USP15: variants seen among roughly 807,000 people sequenced by gnomAD.
USP15 encodes the protein ubiquitin carboxyl-terminal hydrolase 15.
In USP15, 18 loss-of-function variants were observed where a neutral mutation model predicts 127.1. That is an observed-to-expected ratio of 0.14 (90% CI 0.10 to 0.21). USP15 has a LOEUF of 0.21. Among genes scored for constraint, USP15 ranks in the 10% least tolerant of loss-of-function variants. USP15 has a pLI of 1.00. For synonymous variants in USP15, 364 were observed against 393.7 expected, an observed-to-expected ratio of 0.92 and a Z score of 0.89; for missense variants, 805 against 1,159.9, an observed-to-expected ratio of 0.69 and a Z score of 4.44.
chr12:62,265,078 T>G (rs1224326295), intron 1 of USP15, among the ~76,000 whole-genome samples: 1 of 152,206 alleles, frequency 6.6e-6, no homozygotes, highest in African/African-American at 2.4e-5. Context: ...ATGACTTCTG[T>G]TAGTGAGTCC....
At position 62,329,734 on chromosome 12, in the gene USP15, T is replaced by C. The variant is rs1211869206; in HGVS notation, c.683+3801T>C. Among the ~76,000 whole-genome samples, 6 of 152,162 alleles carry C rather than the reference T, an allele frequency of 3.9e-5. No homozygotes were observed. In the South Asian group the frequency reaches 1.2e-3, roughly 32 times the overall value. ...GTAATCAGAAAAAAATGAAAGTAAATGAGATACAATTTTTCACCCATCAAA... is the reference window on the plus strand; with the variant it reads ...GTAATCAGAAAAAAATGAAAGTAAACGAGATACAATTTTTCACCCATCAAA... On this transcript the variant is annotated intron_variant, in intron 6 of 21. Transcript: ENST00000280377.
rs148893401 is a variant in USP15, at chr12:62,391,009, G to A, written c.1960+30G>A. The A allele has an allele frequency of 1.7e-4, 264 of 1,585,218 alleles. No individual in the cohort carries two copies. In the African/African-American group the frequency reaches 3.2e-3, roughly 19 times the overall value. On this transcript the variant is annotated intron_variant, in intron 15 of 21. Coordinates refer to ENST00000280377, the MANE Select transcript of USP15 (RefSeq NM_001252078.2). ...GACTTTTCTGTTAAATTGTACAAAT[G>A]TTTCACTTAGATAATTGCCTCAGAG...
chr12:62,389,015 C>T (rs2132651), intron 11 of USP15, among the ~76,000 whole-genome samples: 50,849 of 152,030 alleles, frequency 0.33, 9,088 homozygotes, highest in African/African-American at 0.47. Context: ...GTCCTAGCTA[C>T]GCAAGAGGCT....
At chr12:62,325,505 T>G (rs977873686) in intron 5 of USP15, among the ~76,000 whole-genome samples, 3 of 152,114 alleles carry the variant, frequency 2.0e-5, no homozygotes, top group Non-Finnish European at 2.9e-5. Flanking sequence ...TGACCATCTG[T>G]TATTTACAGA....
rs2064444425 is a variant in USP15, at chr12:62,305,163, A to T, written c.348+2243A>T. Among the ~76,000 whole-genome samples the T allele has an allele frequency of 2.0e-5, 3 of 152,126 alleles. No homozygotes were observed. In the South Asian group the frequency reaches 6.2e-4, roughly 32 times the overall value. On this transcript the variant is annotated intron_variant, in intron 3 of 21. Coordinates refer to ENST00000280377, the MANE Select transcript of USP15 (RefSeq NM_001252078.2). ...TAGAACTAATACCAAAGGACGTAAT[A>T]GCTGAGAATTTTCCCAAACTGAGAA...
rs536464404 is a variant in USP15, at chr12:62,323,150, T to C, written c.621+1541T>C. Reference sequence around the variant, plus strand: ...GATGTTTCTACTTTGGAGAAAAGAATTGCTTCCTTAACTTCCACAAAGATG... The same window carrying C: ...GATGTTTCTACTTTGGAGAAAAGAACTGCTTCCTTAACTTCCACAAAGATG... On this transcript the variant is annotated intron_variant, in intron 5 of 21. Transcript: ENST00000280377. Among the ~76,000 whole-genome samples, 114 of 152,322 alleles carry C rather than the reference T, an allele frequency of 7.5e-4. 5 individuals carry two copies. The South Asian group carries it at 0.022, about 30-fold the overall frequency.
intron 1 of USP15, among the ~76,000 whole-genome samples, chr12:62,287,861 G>A (rs73135271): frequency 6.6e-6 from 1 of 151,956 alleles, no homozygotes; most frequent in Non-Finnish European, 1.5e-5. Context: ...CTTTCCCAGC[G>A]AATGTTTTTG....
intron 8 of USP15, among the ~76,000 whole-genome samples, chr12:62,361,957 C>A (rs2066332049): frequency 6.6e-6 from 1 of 151,874 alleles, no homozygotes; most frequent in African/African-American, 2.4e-5. Context: ...ACATTAACAG[C>A]CCTGTATTGA....
chr12:62,290,215 A>G (rs903606213), intron 1 of USP15, among the ~76,000 whole-genome samples: 1 of 152,142 alleles, frequency 6.6e-6, no homozygotes, highest in Non-Finnish European at 1.5e-5. Context: ...TGGAATATGG[A>G]AGTCCCCCAC....
intron 1 of USP15, among the ~76,000 whole-genome samples, chr12:62,281,568 G>T (rs1192614643): frequency 6.6e-6 from 1 of 152,054 alleles, no homozygotes; most frequent in Admixed American, 6.5e-5. Context: ...TGAACTCCTG[G>T]CCTCAAGTGA....
intron 7 of USP15, 60 bp downstream of exon 7, chr12:62,349,367 A>T: frequency 9.0e-7 from 1 of 1,105,574 alleles, no homozygotes; most frequent in Non-Finnish European, 1.2e-6. Context: ...GGTTGCAAAA[A>T]ATCTCTTGTA....
intron 1 of USP15, among the ~76,000 whole-genome samples, chr12:62,281,041 C>T (rs1373614277): frequency 2.6e-5 from 4 of 152,092 alleles, no homozygotes; most frequent in Non-Finnish European, 5.9e-5. Flanking sequence ...TATATGAATT[C>T]AGGTCTTTGT....
chr12:62,260,771 T>G (rs1239338843), intron 1 of USP15, among the ~76,000 whole-genome samples: 1 of 152,144 alleles, frequency 6.6e-6, no homozygotes, highest in African/African-American at 2.4e-5. Flanking sequence ...CTCTTCGTCC[T>G]CCTTCCTTCC....
At chr12:62,325,517 T>A (rs1592591318) in intron 5 of USP15, among the ~76,000 whole-genome samples, 1 of 152,124 alleles carries the variant, frequency 6.6e-6, no homozygotes, top group East Asian at 1.9e-4. Context: ...ATTTACAGAG[T>A]TCTCTGTTCA....
chr12:62,388,998 G>A (rs1269677043), intron 11 of USP15, among the ~76,000 whole-genome samples: 3 of 152,136 alleles, frequency 2.0e-5, no homozygotes, highest in Non-Finnish European at 2.9e-5. Context: ...GGTGTCACAC[G>A]CATGTAGTCC....
chr12:62,293,306 G>A (rs1333000830), intron 1 of USP15, among the ~76,000 whole-genome samples: 1 of 151,994 alleles, frequency 6.6e-6, no homozygotes, highest in Non-Finnish European at 1.5e-5. Context: ...TGATTTTTGT[G>A]TACTAGTATT....
chr12:62,357,081 G>T (rs1235641143), intron 8 of USP15, among the ~76,000 whole-genome samples: 1 of 151,840 alleles, frequency 6.6e-6, no homozygotes, highest in South Asian at 2.1e-4. Context: ...ACCAATCTTG[G>T]TGCTTTTTCA....
chr12:62,273,902 T>C (rs1052308132), intron 1 of USP15, among the ~76,000 whole-genome samples: 1 of 152,200 alleles, frequency 6.6e-6, no homozygotes, highest in African/African-American at 2.4e-5. Flanking sequence ...ATTTATCTTC[T>C]AAATAAGCCT....
intron 2 of USP15, among the ~76,000 whole-genome samples, chr12:62,297,896 C>T (rs1295536298): frequency 6.6e-6 from 1 of 152,114 alleles, no homozygotes; most frequent in Non-Finnish European, 1.5e-5. Flanking sequence ...CACTGAGTTA[C>T]ACGAAAACAT....
Sources: gnomAD v4.1 joint callset for allele counts (sites outside exome capture counted in the v4.1 genomes callset) on GRCh38, gnomAD v4.1.1 for gene constraint, MANE v1.5 for transcripts, NCBI Gene and HGNC (gene_info 2026-07-23, HGNC 2026-07-21) for gene names.